Variants in SLC13A3 observed in about 807,000 individuals in gnomAD.
SLC13A3 encodes the protein solute carrier family 13 member 3.
SLC13A3 carries 40 observed loss-of-function variants against 59.0 expected under a neutral mutation model. That is an observed-to-expected ratio of 0.68 (90% CI 0.53 to 0.88). SLC13A3 has a LOEUF of 0.88. Among genes scored for constraint, SLC13A3 ranks in the 40% least tolerant of loss-of-function variants. The pLI, the probability that SLC13A3 is intolerant of heterozygous loss-of-function variation, is 0.00. For missense variants in SLC13A3, 699 were observed against 783.2 expected (o/e 0.89, Z 1.28); for synonymous variants, 317 against 330.3 (o/e 0.96, Z 0.44).
chr20:46,560,962 G>T (rs2061925549), intron 12 of SLC13A3, among the ~76,000 whole-genome samples: 1 of 152,180 alleles, frequency 6.6e-6, no homozygotes, highest in Admixed American at 6.5e-5. Context: ...CCCAGAGAAA[G>T]TCTCTCTTAG....
intron 10 of SLC13A3, among the ~76,000 whole-genome samples, chr20:46,568,454 A>T (rs559038871): frequency 2.0e-5 from 3 of 152,056 alleles, no homozygotes; most frequent in East Asian, 3.9e-4. Flanking sequence ...GTTTTTACAT[A>T]AATAAAATAG....
At chr20:46,581,158 G>A (rs2062132686) in intron 9 of SLC13A3, among the ~76,000 whole-genome samples, 1 of 152,178 alleles carries the variant, frequency 6.6e-6, no homozygotes, top group Admixed American at 6.5e-5. Context: ...GGGTGAAGAA[G>A]CCAAGAACCC....
chr20:46,625,223 A>C (rs1358409996), intron 1 of SLC13A3, among the ~76,000 whole-genome samples: 1 of 152,340 alleles, frequency 6.6e-6, no homozygotes, highest in East Asian at 1.9e-4. Flanking sequence ...CAGCCTGTAG[A>C]GCCCTCAGGA....
chr20:46,603,549 ATTTT>A (rs111841623), intron 3 of SLC13A3, among the ~76,000 whole-genome samples: 1 of 126,384 alleles, frequency 7.9e-6, no homozygotes. Context: ...TAATTGTTGT[ATTTT>A]TTTTTTTTTT....
chr20:46,582,617 GAAGAAA>G, intron 9 of SLC13A3: 1 of 983,940 alleles, frequency 1.0e-6, no homozygotes, highest in Non-Finnish European at 1.2e-6. Flanking sequence ...AAAAGAAGAA[GAAGAAA>G]GAAAGAACTG....
intron 8 of SLC13A3, chr20:46,585,076 C>T: frequency 2.3e-6 from 2 of 876,302 alleles, no homozygotes; most frequent in Non-Finnish European, 2.7e-6. Flanking sequence ...CAAAGTGCTC[C>T]CATTCTGTAG....
At chr20:46,654,982 T>C (rs558899949), upstream of SLC13A3, among the ~76,000 whole-genome samples, 1 of 152,362 alleles carries the variant, frequency 6.6e-6, no homozygotes, top group East Asian at 1.9e-4. Flanking sequence ...TGAGAAATGC[T>C]ATGCACCTAC....
intron 6 of SLC13A3, among the ~76,000 whole-genome samples, chr20:46,591,370 T>G (rs919394616): frequency 5.9e-5 from 9 of 152,220 alleles, no homozygotes; most frequent in Non-Finnish European, 1.2e-4. Context: ...GGGTTCTCAC[T>G]GCATACCTCT....
At chr20:46,622,150 T>C (rs368456028) in intron 1 of SLC13A3, among the ~76,000 whole-genome samples, 2 of 152,028 alleles carry the variant, frequency 1.3e-5, no homozygotes, top group Admixed American at 6.6e-5. Context: ...ATTGATGGAG[T>C]TGGTTTCAGG....
Position 46,613,566 on chromosome 20 carries a change from A to G in SLC13A3, c.271T>C (p.Phe91Leu). ...ATGATCAGCCCACTGAGGAAGAGGA[A>G]GTTGGTGTCGAGGAAGTACTGGGGG... ...VCPQYFLDTN[F>L]LFLSGLIMAS... Residue 91 changes from phenylalanine (F) to leucine (L), a missense_variant, in exon 2 of 13, where the codon TTC (phenylalanine) becomes CTC (leucine). Phe to Leu is a conservative substitution (Grantham distance 22). Transcript: ENST00000279027. 1 of 1,614,088 alleles carries G rather than the reference A, an allele frequency of 6.2e-7. No homozygotes were observed. Among genetic ancestry groups the G allele is most frequent in the African/African-American group, 1.3e-5 (1 of 75,062 alleles).
chr20:46,609,417 T>G, intron 3 of SLC13A3, among the ~76,000 whole-genome samples: 1 of 152,218 alleles, frequency 6.6e-6, no homozygotes, highest in East Asian at 1.9e-4. Flanking sequence ...ATCAAATCCC[T>G]CCGTTCATAA....
At chr20:46,576,701 T>C (rs2062080104) in intron 9 of SLC13A3, among the ~76,000 whole-genome samples, 1 of 152,170 alleles carries the variant, frequency 6.6e-6, no homozygotes, top group Non-Finnish European at 1.5e-5. Context: ...GGACTTTTCT[T>C]GGCAGGCTGT....
At chr20:46,615,426 G>A (rs1342963394) in intron 1 of SLC13A3, among the ~76,000 whole-genome samples, 1 of 152,136 alleles carries the variant, frequency 6.6e-6, no homozygotes, top group Non-Finnish European at 1.5e-5. Context: ...CATCTTACAG[G>A]GAGGCCAGGG....
chr20:46,585,855 A>G (rs1160403924), intron 8 of SLC13A3: 1 of 1,172,924 alleles, frequency 8.5e-7, no homozygotes, highest in East Asian at 5.9e-5. Flanking sequence ...AACCTTCAGG[A>G]GATCAGAATT....
At chr20:46,610,422 C>A in intron 3 of SLC13A3, 24 bp downstream of exon 3, 1 of 1,593,816 alleles carries the variant, frequency 6.3e-7, no homozygotes, top group Non-Finnish European at 8.5e-7. Flanking sequence ...TGGATTTGGC[C>A]CCAATCCCTT....
chr20:46,593,047 G>T (rs556188855), intron 5 of SLC13A3, among the ~76,000 whole-genome samples: 62 of 152,210 alleles, frequency 4.1e-4, no homozygotes, highest in Non-Finnish European at 8.5e-4. Context: ...TATGCTCAAA[G>T]ACCCTGGGCA....
chr20:46,616,302 GA>G (rs577640258), intron 1 of SLC13A3, among the ~76,000 whole-genome samples: 1 of 152,140 alleles, frequency 6.6e-6, no homozygotes, highest in South Asian at 2.1e-4. Context: ...GTAAAAATCA[GA>G]AAAAAAGGCA....
chr20:46,574,482 G>A (rs748661460), intron 10 of SLC13A3, among the ~76,000 whole-genome samples: 14 of 152,166 alleles, frequency 9.2e-5, no homozygotes, highest in South Asian at 2.1e-4. Context: ...TGCACGCCCC[G>A]GAGAGTGAGC....
rs945124060 is a variant in SLC13A3 at position 46,680,440 on chromosome 20, C to T, written c.-31+3956G>A. 2.6e-5 allele frequency among the ~76,000 whole-genome samples: 4 copies of T among 152,230 alleles called. 1 individual carries two copies. The highest frequency in any genetic ancestry group is 9.6e-5 in the African/African-American group (4 of 41,454). ...TCCTTATATGGATGCTTGTGGTGGA[C>T]ATGGATGTGCGACCCAGATCCCTTA... On this transcript the variant is annotated intron_variant, in intron 1 of 6. Transcript: ENST00000372121.
Sources: gnomAD v4.1 joint callset for allele counts (sites outside exome capture counted in the v4.1 genomes callset) on GRCh38, gnomAD v4.1.1 for gene constraint, MANE v1.5 for transcripts, NCBI Gene and HGNC (gene_info 2026-07-23, HGNC 2026-07-21) for gene names.